SIRPB2: variants seen among roughly 807,000 people sequenced by gnomAD.
SIRPB2 encodes the protein signal-regulatory protein beta-2.
SIRPB2 carries 18 observed loss-of-function variants against 27.1 expected under a neutral mutation model. The ratio of observed to expected loss-of-function variants is 0.66; its 90% confidence interval spans 0.46 to 0.98. SIRPB2 has a LOEUF of 0.98. Ranked by LOEUF, SIRPB2 falls within the 50% of genes least tolerant of loss-of-function variation. The probability of loss-of-function intolerance (pLI) is 0.00; values close to 1 mark genes in which losing one functional copy is unlikely to be tolerated. For synonymous variants in SIRPB2, 150 were observed against 164.6 expected, an observed-to-expected ratio of 0.91 and a Z score of 0.68; for missense variants, 420 against 417.4, an observed-to-expected ratio of 1.01 and a Z score of -0.06.
rs2090630226 is a variant in SIRPB2 at position 1,478,359 on chromosome 20, T to C, written c.700A>G (p.Ser234Gly). 5 of 1,614,212 alleles carry C rather than the reference T, an allele frequency of 3.1e-6. No individual in the cohort carries two copies. The East Asian group carries it at 8.9e-5, about 29-fold the overall frequency. Residue 234 changes from serine to glycine, a missense_variant, in exon 3 of 5, where the codon AGT (serine) becomes GGT (glycine). Ser to Gly is a moderately conservative substitution (Grantham distance 56, BLOSUM62 0). Coordinates refer to ENST00000359801, the MANE Select transcript of SIRPB2 (RefSeq NM_001122962.2). ...CAGTAATAGGTGCCTGCATCCTCACTGGAGACGTTTTGCAGAAGAATGCTG... is the reference window on the plus strand; with the variant it reads ...CAGTAATAGGTGCCTGCATCCTCACCGGAGACGTTTTGCAGAAGAATGCTG... ...DFSILLQNVSSEDAGTYYCVK... is the reference protein window; with the variant it reads ...DFSILLQNVSGEDAGTYYCVK...
chr20:1,470,971 C>T (rs530896926), downstream of SIRPB2: 1 of 152,330 alleles, frequency 6.6e-6, no homozygotes, highest in South Asian at 2.1e-4. Flanking sequence ...ACTGCTACTG[C>T]TGTTTTTTGC....
intron 3 of SIRPB2, chr20:1,477,930 T>C (rs899168529): frequency 8.4e-6 from 4 of 474,846 alleles, no homozygotes; most frequent in African/African-American, 3.9e-5. Flanking sequence ...TGCCTTGGCC[T>C]CCCAAAGTGC....
rs557442967 is a variant in SIRPB2 at position 1,491,417 on chromosome 20, G to A, written c.-58C>T. On this transcript the variant is annotated 5_prime_UTR_variant, in exon 1 of 5. Transcript: ENST00000359801. ...CCTCTGCTCTCTTGTGAGTGTTGGA[G>A]TCTGAGGCGGGGCCCGTGGACAAGG... 1.4e-5 allele frequency: 21 copies of A among 1,509,656 alleles called. No homozygotes were observed. The South Asian group carries it at 2.3e-4, about 17-fold the overall frequency. The allele number at this position is 1,509,656 out of a possible 1,614,324, so 93.5% of individuals were successfully genotyped here. A position where few individuals can be genotyped will look rare whatever the true frequency, so the allele number is the denominator to read the frequency against.
chr20:1,490,972 C>T (rs1009098819), intron 1 of SIRPB2, among the ~76,000 whole-genome samples: 2 of 152,176 alleles, frequency 1.3e-5, no homozygotes, highest in Admixed American at 6.5e-5. Context: ...GTCCCATGAG[C>T]GTCCCTGTTT....
chr20:1,478,357 A>G lies in SIRPB2; in HGVS notation c.702T>C (p.Ser234=), dbSNP rs780979412. ...CACAGTAATAGGTGCCTGCATCCTC[A>G]CTGGAGACGTTTTGCAGAAGAATGC... The part of the protein sequence containing the change: ...DFSILLQNVS[S]EDAGTYYCVK... Residue 234 remains serine (S), a synonymous_variant, in exon 3 of 5, where the codon AGT becomes AGC. Transcript: ENST00000359801. The G allele has an allele frequency of 8.1e-6, 13 of 1,614,074 alleles. No individual in the cohort carries two copies. The East Asian group carries it at 2.9e-4, about 36-fold the overall frequency.
chr20:1,486,869 CT>C (rs939619343), intron 1 of SIRPB2, among the ~76,000 whole-genome samples: 2 of 152,142 alleles, frequency 1.3e-5, no homozygotes, highest in African/African-American at 4.8e-5. Flanking sequence ...CCTACAACAA[CT>C]CTATCAAGCT....
rs925629320 is a variant in SIRPB2, at chr20:1,477,863, C to T, written c.793+403G>A. On this transcript the variant is annotated intron_variant, in intron 3 of 4. Transcript: ENST00000359801. ...ACTAATTTTGTATTTTTATTACAGA[C>T]GGGGTTTCACCGTGTTGGTCAGGCT... is the stretch of plus-strand genomic sequence containing the variant. 3.3e-5 allele frequency among the ~76,000 whole-genome samples: 5 copies of T among 152,128 alleles called. No individual in the cohort carries two copies. In the South Asian group the frequency reaches 8.3e-4, roughly 25 times the overall value.
At position 1,479,995 on chromosome 20, in the gene SIRPB2, T is replaced by A. The variant is rs778039045; in HGVS notation, c.156A>T (p.Glu52Asp). ...LQPEGPMLVA[E>D]GETLLLRCMV... ...TACACCTCAGTAGAAGTGTCTCACC[T>A]TCTGCCACCAGCATGGGGCCCTCGG... The change falls in exon 2 of 5, where the codon GAA becomes GAT. Residue 52 changes from glutamate to aspartate, a missense_variant. By Grantham distance (45) the Glu-to-Asp change is conservative. Coordinates refer to ENST00000359801, the MANE Select transcript of SIRPB2 (RefSeq NM_001122962.2). The A allele has an allele frequency of 1.9e-6, 3 of 1,614,160 alleles. No homozygotes were observed. Among genetic ancestry groups the A allele is most frequent in the South Asian group, 2.2e-5 (2 of 91,088 alleles).
rs184893069 is a variant in SIRPB2, at chr20:1,479,599, C to G, written c.451+101G>C. ...GATACAAATATGTATTGTTGTATGC[C>G]ACTGAAATTTTGTGTGATACAGCAT... On this transcript the variant is annotated intron_variant, in intron 2 of 4. Coordinates refer to ENST00000359801, the MANE Select transcript of SIRPB2 (RefSeq NM_001122962.2). The G allele has an allele frequency of 9.3e-5, 141 of 1,510,484 alleles. No individual in the cohort carries two copies. In the African/African-American group the frequency reaches 1.8e-3, roughly 19 times the overall value. 93.6% of individuals were successfully genotyped at this position (1,510,484 alleles called of 1,614,324 possible).
downstream of SIRPB2, among the ~76,000 whole-genome samples, chr20:1,474,408 T>A (rs1444692388): frequency 6.6e-6 from 1 of 152,222 alleles, no homozygotes; most frequent in Non-Finnish European, 1.5e-5. Context: ...TAGTTCAAGC[T>A]GTTTTTCTGT....
At chr20:1,472,020 G>A (rs112955007), downstream of SIRPB2, among the ~76,000 whole-genome samples, 1 of 152,078 alleles carries the variant, frequency 6.6e-6, no homozygotes, top group African/African-American at 2.4e-5. Context: ...AGAAGGGGAG[G>A]GAGAGAAACG....
At chr20:1,479,629 C>A in intron 2 of SIRPB2, 71 bp downstream of exon 2, 1 of 1,573,654 alleles carries the variant, frequency 6.4e-7, no homozygotes, top group South Asian at 1.2e-5. Context: ...CAGCATGATA[C>A]AGTGGATAAA....
At chr20:1,482,023 T>A (rs139810465) in intron 1 of SIRPB2, among the ~76,000 whole-genome samples, 1 of 152,108 alleles carries the variant, frequency 6.6e-6, no homozygotes, top group Non-Finnish European at 1.5e-5. Flanking sequence ...CAGAAAGAAG[T>A]GTTCTGGTCC....
Position 1,479,717 on chromosome 20 carries a change from G to T in SIRPB2, c.434C>A (p.Thr145Asn). ...ATCCTTACCCTTCACAAGCACTGAG[G>T]TGCCTTCATCCGATTTCATTTCTGA... ...EHSEMKSDEG[T>N]SVLVKGAGDP... is the part of the protein sequence containing the mutation. Residue 145 changes from threonine to asparagine, a missense_variant, in exon 2 of 5, where the codon ACC becomes AAC. Thr to Asn is a moderately conservative substitution (Grantham distance 65, BLOSUM62 0). Transcript: ENST00000359801. The T allele has an allele frequency of 6.2e-7, 1 of 1,614,112 alleles. No individual in the cohort carries two copies. Among genetic ancestry groups the T allele is most frequent in the African/African-American group, 1.3e-5 (1 of 75,040 alleles).
rs377233605 is a variant in SIRPB2, at chr20:1,483,255, T to C, written c.86-3190A>G. ...CTGAGTAGCTGGGATTACAGGCACA[T>C]GACACTACACTTGGCTAATGTTTGT... is the stretch of plus-strand genomic sequence containing the variant. On this transcript the variant is annotated intron_variant, in intron 1 of 4. Transcript: ENST00000359801. Among the ~76,000 whole-genome samples the C allele has an allele frequency of 2.0e-5, 3 of 152,056 alleles. No individual in the cohort carries two copies. The East Asian group carries it at 5.8e-4, about 29-fold the overall frequency.
chr20:1,475,773 TGG>T lies in SIRPB2; in HGVS notation c.*392_*393del. On this transcript the variant is annotated 3_prime_UTR_variant, in exon 5 of 5. Transcript: ENST00000359801. Reference sequence around the variant, plus strand: ...TGTAGATGGAGGGGCACAGATGGTCTGGCTGGTTGAGTTCAGAGATTCTTACA... The same window carrying T: ...TGTAGATGGAGGGGCACAGATGGTCTCTGGTTGAGTTCAGAGATTCTTACA... 8.6e-6 allele frequency: 1 copy of T among 115,784 alleles called. No individual in the cohort carries two copies. The highest frequency in any genetic ancestry group is 1.9e-5 in the Non-Finnish European group (1 of 52,530). 7.2% of individuals were successfully genotyped at this position (115,784 alleles called of 1,614,324 possible). A position where few individuals can be genotyped will look rare whatever the true frequency, so the allele number is the denominator to read the frequency against.
chr20:1,479,561 A>C, intron 2 of SIRPB2, 139 bp downstream of exon 2: 1 of 1,331,798 alleles, frequency 7.5e-7, no homozygotes, highest in Non-Finnish European at 1.0e-6. Flanking sequence ...CCACATGTAA[A>C]TGTGCATGTA....
chr20:1,483,458 C>T (rs1040932896), intron 1 of SIRPB2, among the ~76,000 whole-genome samples: 5 of 152,156 alleles, frequency 3.3e-5, no homozygotes, highest in African/African-American at 1.2e-4. Context: ...AAGACGATAT[C>T]TCATTATGGT....
In SIRPB2 at chr20:1,479,780, G is replaced by C. The variant is rs750865968; in HGVS notation, c.371C>G (p.Thr124Ser). The change falls in exon 2 of 5, where the codon ACC becomes AGC. Residue 124 changes from threonine (T) to serine (S), a missense_variant. Coordinates refer to ENST00000359801, the MANE Select transcript of SIRPB2 (RefSeq NM_001122962.2). The stretch of plus-strand genomic sequence containing the variant: ...ACCATCAAACCTCACACAGTGGTAG[G>C]TTCCAGTGTGCTCCCTGGTGACATT... ...IHNVTREHTG[T>S]YHCVRFDGLS... 1 of 1,614,176 alleles carries C rather than the reference G, an allele frequency of 6.2e-7. No individual in the cohort carries two copies. The highest frequency in any genetic ancestry group is 1.7e-5 in the Admixed American group (1 of 60,032).
Sources: allele counts gnomAD v4.1 joint callset (sites outside exome capture counted in the v4.1 genomes callset), GRCh38; gene constraint gnomAD v4.1.1; transcripts MANE v1.5; gene names NCBI Gene and HGNC (gene_info 2026-07-23, HGNC 2026-07-21).